The following NUP210L variants were observed in gnomAD, a reference collection of about 807,000 sequenced individuals.
NUP210L encodes the protein nuclear pore membrane glycoprotein 210-like.
In NUP210L, 74 loss-of-function variants were observed where a neutral mutation model predicts 208.5. The observed-to-expected ratio is 0.35, with a 90% CI of 0.29 to 0.43. The LOEUF (loss-of-function observed/expected upper bound fraction) is 0.43, where lower values mean the gene tolerates loss of function less well. Among genes scored for constraint, NUP210L ranks in the 20% least tolerant of loss-of-function variants. The pLI is 1.00. For synonymous variants in NUP210L, 780 were observed against 816.9 expected, an observed-to-expected ratio of 0.95 and a Z score of 0.77; for missense variants, 1,843 against 2,289.4, an observed-to-expected ratio of 0.81 and a Z score of 3.98.
intron 35 of NUP210L, among the ~76,000 whole-genome samples, chr1:154,003,896 T>A (rs1445506702): frequency 6.6e-6 from 1 of 152,210 alleles, no homozygotes; most frequent in Admixed American, 6.6e-5. Flanking sequence ...AGTATTTCTC[T>A]ATTAGTCTGG....
intron 35 of NUP210L, among the ~76,000 whole-genome samples, chr1:154,005,662 G>A (rs1650484139): frequency 6.6e-6 from 1 of 151,628 alleles, no homozygotes; most frequent in Non-Finnish European, 1.5e-5. Flanking sequence ...TCAGCCTCCC[G>A]AGTAGCTGGG....
chr1:154,025,556 T>C lies in NUP210L; in HGVS notation c.4108A>G (p.Ile1370Val), dbSNP rs61729694. 3.5e-4 allele frequency: 561 copies of C among 1,610,360 alleles called. 1 individual carries two copies. In the African/African-American group the frequency reaches 6.8e-3, roughly 20 times the overall value. The change falls in exon 30 of 40, where the codon ATA (isoleucine) becomes GTA (valine). Residue 1370 changes from isoleucine to valine, a missense_variant. Physicochemically the swap from Ile to Val is conservative, Grantham distance 29. This residue lies in a region of NUP210L where 781 missense variants were observed against 973.8 expected (regional missense o/e 0.80). Coordinates refer to ENST00000368559, the Ensembl canonical transcript of NUP210L. ...CATGAACTCACCTGGACCCCAGTTA[T>C]GGTTGTTTGGTTGACTCCAAAAGGT...
chr1:154,128,046 TAG>T (rs1658070982), intron 8 of NUP210L, among the ~76,000 whole-genome samples: 2 of 151,902 alleles, frequency 1.3e-5, no homozygotes, highest in Non-Finnish European at 2.9e-5. Flanking sequence ...CCATTTATAG[TAG>T]AGACAGGGTT....
intron 2 of NUP210L, among the ~76,000 whole-genome samples, chr1:154,148,198 C>T (rs1393717840): frequency 2.6e-5 from 4 of 150,958 alleles, no homozygotes; most frequent in Non-Finnish European, 4.4e-5. Context: ...ACCCGGGAGA[C>T]GGAGGTTGCA....
intron 12 of NUP210L, among the ~76,000 whole-genome samples, chr1:154,105,438 G>A (rs1027560386): frequency 2.7e-5 from 4 of 149,396 alleles, no homozygotes; most frequent in African/African-American, 5.0e-5. Context: ...GCAGTGAGCC[G>A]AGATCACGCC....
Position 154,024,931 on chromosome 1 carries a change from T to G in NUP210L, c.4122+611A>C, listed in dbSNP as rs543747973. On this transcript the variant is annotated intron_variant, in intron 30 of 39. Transcript: ENST00000368559. ...AAATTTAGGCTGATCTGTTTTTTTTTTTTTTTTTTTTTTTTTGAGATGGAG... is the reference window on the plus strand; with the variant it reads ...AAATTTAGGCTGATCTGTTTTTTTTGTTTTTTTTTTTTTTTTGAGATGGAG... Among the ~76,000 whole-genome samples the G allele has an allele frequency of 2.4e-3, 338 of 140,194 alleles. 3 individuals are homozygous for G. Among genetic ancestry groups the G allele is most frequent in the African/African-American group, 8.7e-3 (322 of 36,952 alleles). 92.0% of individuals were successfully genotyped at this position (140,194 alleles called of 152,430 possible). A position where few individuals can be genotyped will look rare whatever the true frequency, so the allele number is the denominator to read the frequency against.
intron 10 of NUP210L, among the ~76,000 whole-genome samples, chr1:154,125,755 T>G (rs1482415118): frequency 1.5e-4 from 1 of 6,804 alleles, no homozygotes; most frequent in Non-Finnish European, 2.7e-4. Flanking sequence ...GGGAAATGTT[T>G]TTTTTTTTTT....
intron 33 of NUP210L, among the ~76,000 whole-genome samples, chr1:154,017,561 G>A (rs1030215975): frequency 7.4e-5 from 10 of 134,730 alleles, no homozygotes; most frequent in African/African-American, 1.7e-4. Context: ...CTGTTGCCCC[G>A]GCTGGAGTGC....
At chr1:154,084,675 G>A (rs965307513) in intron 16 of NUP210L, among the ~76,000 whole-genome samples, 10 of 151,522 alleles carry the variant, frequency 6.6e-5, no homozygotes, top group Non-Finnish European at 1.5e-4. Context: ...GTTTTGCCAT[G>A]TTGCCCAGGC....
In NUP210L at chr1:154,033,735, T is replaced by G. The variant is rs374408991; in HGVS notation, c.3697-3681A>C. On this transcript the variant is annotated intron_variant, in intron 27 of 39. Coordinates refer to ENST00000368559, the Ensembl canonical transcript of NUP210L. ...AGGACGGCTTTGACTATTCTGTGTC[T>G]TTTGTGGTTCCATATAACTTTTACA... 7.5e-4 allele frequency among the ~76,000 whole-genome samples: 114 copies of G among 152,328 alleles called. 2 individuals carry two copies. Among genetic ancestry groups the G allele is most frequent in the African/African-American group, 2.7e-3 (112 of 41,582 alleles).
intron 22 of NUP210L, 134 bp from the exon 23 acceptor site, chr1:154,057,081 G>T: frequency 2.7e-6 from 2 of 741,454 alleles, no homozygotes; most frequent in Non-Finnish European, 2.2e-6. Flanking sequence ...CAGACTCAAT[G>T]TATCCTCCCA....
In NUP210L at chr1:154,154,979, G is replaced by T. The variant is rs1037940734; in HGVS notation, c.66C>A (p.His22Gln). 1.2e-6 allele frequency: 2 copies of T among 1,613,950 alleles called. No individual in the cohort carries two copies. The highest frequency in any genetic ancestry group is 1.7e-6 in the Non-Finnish European group (2 of 1,179,962). ...AAACCAGAAACAACAACAGGAGGCG[G>T]TGTAGACGCAAGAAGAAAAAGAGCC... Residue 22 changes from histidine (H) to glutamine (Q), a missense_variant, in exon 1 of 40, where the codon CAC becomes CAA. Physicochemically the swap from His to Gln is conservative, Grantham distance 24. Around this residue, in one of 5 missense-constraint regions of NUP210L, gnomAD observed 542 missense variants for 606.4 expected, o/e 0.89. Coordinates refer to ENST00000368559, the Ensembl canonical transcript of NUP210L.
At chr1:154,107,919 T>A (rs200962225) in intron 12 of NUP210L, among the ~76,000 whole-genome samples, 1 of 151,088 alleles carries the variant, frequency 6.6e-6, no homozygotes, top group African/African-American at 2.4e-5. Context: ...GAAAAAATAA[T>A]AGAAAAGAAT....
intron 23 of NUP210L, among the ~76,000 whole-genome samples, chr1:154,055,125 T>TC (rs1653752216): frequency 5.4e-5 from 1 of 18,632 alleles, no homozygotes; most frequent in African/African-American, 2.3e-4. Flanking sequence ...TTTCTTTCTT[T>TC]TCTTTCTTTC....
chr1:154,098,048 G>A (rs1656259436), intron 14 of NUP210L, among the ~76,000 whole-genome samples: 1 of 152,214 alleles, frequency 6.6e-6, no homozygotes, highest in Non-Finnish European at 1.5e-5. Context: ...ACAGGTGTGT[G>A]AGTGAGGAAG....
intron 10 of NUP210L, among the ~76,000 whole-genome samples, chr1:154,119,036 A>C (rs1657479571): frequency 6.6e-6 from 1 of 152,116 alleles, no homozygotes; most frequent in South Asian, 2.1e-4. Context: ...CTAGACCTAA[A>C]CTAATTATCA....
At chr1:153,998,650 G>A (rs112460380) in intron 37 of NUP210L, among the ~76,000 whole-genome samples, 108 of 149,520 alleles carry the variant, frequency 7.2e-4, no homozygotes, top group African/African-American at 1.9e-3. Context: ...GTGGGGATCC[G>A]TGGTCTCTAG....
At chr1:154,095,935 C>T (rs1656156437) in intron 14 of NUP210L, among the ~76,000 whole-genome samples, 1 of 152,132 alleles carries the variant, frequency 6.6e-6, no homozygotes. Flanking sequence ...ACACAATGTC[C>T]ACAACAGTGA....
chr1:154,054,271 T>A (rs1464840110), exon 25 of NUP210L: 1 of 1,614,118 alleles, frequency 6.2e-7, no homozygotes, highest in Non-Finnish European at 8.5e-7. Flanking sequence ...ATTTACTGTC[T>A]GGATGGTGCC....
Sources: gnomAD v4.1 joint callset for allele counts (sites outside exome capture counted in the v4.1 genomes callset) on GRCh38, gnomAD v4.1.1 for gene constraint, gnomAD v4.1.1 regional missense constraint, MANE v1.5 for transcripts, NCBI Gene and HGNC (gene_info 2026-07-23, HGNC 2026-07-21) for gene names.